Variants in IQANK1 observed in about 807,000 individuals in gnomAD.
IQANK1 encodes IQ motif and ankyrin repeat domain-containing protein 1.
In IQANK1, 30 loss-of-function variants were observed where a neutral mutation model predicts 22.6. That is an observed-to-expected ratio of 1.33 (90% CI 0.99 to 1.80). IQANK1 has a LOEUF of 1.80. Among genes scored for constraint, IQANK1 ranks in the 40% most tolerant of loss-of-function variants. The pLI, the probability that IQANK1 is intolerant of heterozygous loss-of-function variation, is 0.00. For synonymous variants in IQANK1, 122 were observed against 99.6 expected (o/e 1.23, Z -1.34); for missense variants, 275 against 235.2 (o/e 1.17, Z -1.11).
chr8:143,770,848 C>T lies in IQANK1; in HGVS notation c.176-640C>T, dbSNP rs149856996. ...CCACGTTAGAGCAAGGGGCTCAGGC[C>T]GGGGAGGCTGAGTGGTGCCCGGACT... is the stretch of plus-strand genomic sequence containing the variant. On this transcript the variant is annotated intron_variant, in intron 3 of 13. Coordinates refer to ENST00000527139, the MANE Select transcript of IQANK1 (RefSeq NM_001381874.1). 3.9e-3 allele frequency among the ~76,000 whole-genome samples: 595 copies of T among 152,360 alleles called. 9 individuals carry two copies. The South Asian group carries it at 0.046, about 12-fold the overall frequency.
At chr8:143,769,064 A>AAT (rs1563775863) in intron 3 of IQANK1, among the ~76,000 whole-genome samples, 1 of 151,936 alleles carries the variant, frequency 6.6e-6, no homozygotes, top group East Asian at 1.9e-4. Flanking sequence ...ATAATATAAA[A>AAT]ATATATATAT....
At chr8:143,763,323 TTATAATGATGGTAAGAA>T (rs1554628994) in intron 3 of IQANK1, among the ~76,000 whole-genome samples, 2 of 152,258 alleles carry the variant, frequency 1.3e-5, no homozygotes, top group African/African-American at 2.4e-5. Flanking sequence ...CTGGCTTTTC[TTATAATGATGGTAAGAA>T]TATGATAATG....
In IQANK1 at chr8:143,790,451, G is replaced by A. The variant is rs1484734560; in HGVS notation, c.1526G>A (p.Arg509Gln). The A allele has an allele frequency of 2.1e-5, 10 of 487,172 alleles. No individual in the cohort carries two copies. The highest frequency in any genetic ancestry group is 4.4e-5 in the Admixed American group (1 of 22,792). 30.2% of individuals were successfully genotyped at this position (487,172 alleles called of 1,614,324 possible). A position where few individuals can be genotyped will look rare whatever the true frequency, so the allele number is the denominator to read the frequency against. Residue 509 changes from arginine to glutamine, a missense_variant, in exon 14 of 14, where the codon CGG (arginine) becomes CAG (glutamine). Transcript: ENST00000527139. ...CAGGAGAGGTACCTGTCGCTGCTGC[G>A]GCCCACGGACGGGCCTGAGTATAGC... ...AVQERYLSLL[R>Q]PTDGPEYSPT... is the part of the protein sequence containing the mutation.
intron 7 of IQANK1, among the ~76,000 whole-genome samples, chr8:143,787,841 G>A (rs927312188): frequency 3.3e-5 from 5 of 151,706 alleles, no homozygotes; most frequent in South Asian, 2.1e-4. Flanking sequence ...CACCCCTAAC[G>A]CAGTGCCTTC....
intron 7 of IQANK1, among the ~76,000 whole-genome samples, chr8:143,775,767 CAAA>C (rs1216031148): frequency 7.7e-6 from 1 of 129,242 alleles, no homozygotes; most frequent in Non-Finnish European, 1.6e-5. Flanking sequence ...GCCTCAAAAA[CAAA>C]AAAACTATAG....
rs187720036 is a variant in IQANK1 at position 143,774,355 on chromosome 8, A to G, written c.789+1873A>G. ...GAAAAAACTCACATCGCAAACAACA[A>G]TGAAACATACAATCTAGGTATAAAA... On this transcript the variant is annotated intron_variant, in intron 7 of 13. Coordinates refer to ENST00000527139, the MANE Select transcript of IQANK1 (RefSeq NM_001381874.1). This position sits in a 1 kb window ranked among gnomAD's most constrained non-coding sequence, Gnocchi z 4.2. 7.9e-5 allele frequency among the ~76,000 whole-genome samples: 12 copies of G among 152,304 alleles called. No homozygotes were observed. Among genetic ancestry groups the G allele is most frequent in the African/African-American group, 2.6e-4 (11 of 41,582 alleles).
intron 3 of IQANK1, among the ~76,000 whole-genome samples, chr8:143,766,918 A>G (rs1363432714): frequency 1.3e-5 from 2 of 151,956 alleles, no homozygotes; most frequent in East Asian, 3.9e-4. Flanking sequence ...TTCTGATTGG[A>G]CCCCACCACT....
intron 3 of IQANK1, among the ~76,000 whole-genome samples, chr8:143,762,113 T>C (rs530580865): frequency 3.3e-5 from 5 of 152,272 alleles, no homozygotes; most frequent in Admixed American, 6.5e-5. Flanking sequence ...TCTGATCCTT[T>C]GTAACTATTT....
At position 143,752,996 on chromosome 8, in the gene IQANK1, G is replaced by GTTTTTT. The variant is rs34993930; in HGVS notation, c.175+13068_175+13073dup. 2.4e-3 allele frequency among the ~76,000 whole-genome samples: 168 copies of GTTTTTT among 69,924 alleles called. 17 individuals are homozygous for GTTTTTT. The highest frequency in any genetic ancestry group is 7.7e-3 in the African/African-American group (123 of 16,066). The allele number at this position is 69,924 out of a possible 152,430, so 45.9% of individuals were successfully genotyped here. ...CCCACAGGTCCCTTACTCTCTGTTC[G>GTTTTTT]TTTTTTTTTTTTTTTTTTTTTTTTT... On this transcript the variant is annotated intron_variant, in intron 3 of 13. Transcript: ENST00000527139.
rs1330114067 is a variant in IQANK1, at chr8:143,753,481, G to C, written c.175+13533G>C. On this transcript the variant is annotated intron_variant, in intron 3 of 13. Transcript: ENST00000527139. ...TTCTTTTTTTTTTTTTTTTTGAGAC[G>C]GAGTCTCGCTGTCTCAGGCTGGAGT... Among the ~76,000 whole-genome samples, 3 of 142,262 alleles carry C rather than the reference G, an allele frequency of 2.1e-5. No individual in the cohort carries two copies. In the Admixed American group the frequency reaches 2.1e-4, roughly 10 times the overall value. 93.3% of individuals were successfully genotyped at this position (142,262 alleles called of 152,430 possible).
Position 143,789,451 on chromosome 8 carries a change from T to G in IQANK1, c.1009T>G (p.Cys337Gly). The change falls in exon 10 of 14, where the codon TGT becomes GGT. Residue 337 changes from cysteine to glycine, a missense_variant. Physicochemically the swap from Cys to Gly is radical, Grantham distance 159 (BLOSUM62 -3). Transcript: ENST00000527139. ...GCCCACCCAGCTGCAACAGGCCTACTGTGAGCTTAGCCGGAGGATCTCAGA... is the reference window on the plus strand; with the variant it reads ...GCCCACCCAGCTGCAACAGGCCTACGGTGAGCTTAGCCGGAGGATCTCAGA... Reference protein sequence around the residue: ...QCHKELQQAYCELSRRISEHD... With the variant: ...QCHKELQQAYGELSRRISEHD... The G allele has an allele frequency of 8.1e-7, 1 of 1,231,972 alleles. No individual in the cohort carries two copies. The allele number at this position is 1,231,972 out of a possible 1,614,324, so 76.3% of individuals were successfully genotyped here. A position where few individuals can be genotyped will look rare whatever the true frequency, so the allele number is the denominator to read the frequency against.
chr8:143,743,938 A>G (rs1026410790), intron 3 of IQANK1: 56 of 401,372 alleles, frequency 1.4e-4, no homozygotes, highest in Middle Eastern at 1.7e-3. Flanking sequence ...GGTTCAGGCA[A>G]TTCTCCTGCC....
chr8:143,743,840 CTTT>C (rs1554626938), intron 3 of IQANK1: 1 of 427,508 alleles, frequency 2.3e-6, no homozygotes, highest in South Asian at 1.7e-5. Context: ...TTATTGGATT[CTTT>C]TTCTTTTTTT....
chr8:143,750,083 C>CA (rs1455738717), intron 3 of IQANK1, among the ~76,000 whole-genome samples: 2 of 151,962 alleles, frequency 1.3e-5, no homozygotes, highest in Non-Finnish European at 2.9e-5. Flanking sequence ...CGGCTCACTG[C>CA]AACCTCTGCC....
rs556467629 is a variant in IQANK1 at position 143,789,976 on chromosome 8, G to A, written c.1201G>A (p.Glu401Lys). ...GCACTCTGCTACCCCGACAGGGGAG[G>A]AAGAGGCGCCTGGGCTGAAGTGCCA... ...ELREQTQEGE[E>K]EAPGLKCQVT... is the part of the protein sequence containing the mutation. Residue 401 changes from glutamate to lysine, a missense_variant, in exon 12 of 14, where the codon GAA becomes AAA. Coordinates refer to ENST00000527139, the MANE Select transcript of IQANK1 (RefSeq NM_001381874.1). 8.1e-7 allele frequency: 1 copy of A among 1,232,044 alleles called. No homozygotes were observed. The highest frequency in any genetic ancestry group is 1.0e-6 in the Non-Finnish European group (1 of 988,018). The allele number at this position is 1,232,044 out of a possible 1,614,324, so 76.3% of individuals were successfully genotyped here.
chr8:143,763,265 T>C (rs1394913133), intron 3 of IQANK1, among the ~76,000 whole-genome samples: 3 of 152,170 alleles, frequency 2.0e-5, no homozygotes, highest in Non-Finnish European at 2.9e-5. Context: ...CTGCCCGCCT[T>C]GGCCTCCCAA....
chr8:143,756,704 G>A (rs553292602), intron 3 of IQANK1, among the ~76,000 whole-genome samples: 3 of 151,966 alleles, frequency 2.0e-5, no homozygotes, highest in Middle Eastern at 3.4e-3. Context: ...TTAGGCTCAC[G>A]TCTGTAATCC....
intron 7 of IQANK1, among the ~76,000 whole-genome samples, chr8:143,782,740 A>G (rs535159719): frequency 6.6e-6 from 1 of 152,318 alleles, no homozygotes; most frequent in South Asian, 2.1e-4. Context: ...TCTCCCGAAG[A>G]GCTGGGATTA....
chr8:143,751,658 GTGTGTGTATATA>G, intron 3 of IQANK1, among the ~76,000 whole-genome samples: 1 of 38,846 alleles, frequency 2.6e-5, no homozygotes, highest in African/African-American at 4.9e-5. Flanking sequence ...GTGTGTGTGT[GTGTGTGTATATA>G]TATATATAAA....
Sources: allele counts gnomAD v4.1 joint callset (sites outside exome capture counted in the v4.1 genomes callset), GRCh38; gene constraint gnomAD v4.1.1; non-coding constraint Gnocchi (gnomAD v3.1); transcripts MANE v1.5; gene names NCBI Gene and HGNC (gene_info 2026-07-23, HGNC 2026-07-21).